The following FGD3 variants were observed in gnomAD, a reference collection of about 807,000 sequenced individuals.
FGD3 encodes FYVE, RhoGEF and PH domain containing 3, also known as FYVE, RhoGEF and PH domain-containing protein 3.
Under a neutral mutation model 71.8 loss-of-function variants are expected in FGD3, and 45 were observed. That is an observed-to-expected ratio of 0.63 (90% confidence interval 0.49 to 0.80). The LOEUF (loss-of-function observed/expected upper bound fraction) is 0.80. Among genes scored for constraint, FGD3 ranks in the 30% least tolerant of loss-of-function variants. FGD3 has a pLI of 0.00. For missense variants in FGD3, 844 were observed against 951.5 expected (o/e 0.89, Z 1.49); for synonymous variants, 378 against 392.8 (o/e 0.96, Z 0.44).
intron 3 of FGD3, among the ~76,000 whole-genome samples, chr9:92,984,601 G>C (rs1041398090): frequency 2.6e-5 from 4 of 152,072 alleles, no homozygotes; most frequent in African/African-American, 9.7e-5. Flanking sequence ...TAAAGTTATT[G>C]GTTAAAGATT....
intron 3 of FGD3, among the ~76,000 whole-genome samples, chr9:92,997,738 A>G (rs928530529): frequency 6.6e-6 from 1 of 152,140 alleles, no homozygotes; most frequent in African/African-American, 2.4e-5. Context: ...TGTGAAGCTT[A>G]GTTTGGCTGG....
chr9:92,994,923 G>T (rs1198326433), intron 3 of FGD3, among the ~76,000 whole-genome samples: 4 of 152,150 alleles, frequency 2.6e-5, no homozygotes, highest in Non-Finnish European at 5.9e-5. Flanking sequence ...CTCCAGCTTT[G>T]TTCTTTTGGC....
At position 93,035,675 on chromosome 9, in the gene FGD3, C is replaced by A; in HGVS notation, c.*86C>A. On this transcript the variant is annotated 3_prime_UTR_variant, in exon 18 of 18. Coordinates refer to ENST00000375482, the MANE Select transcript of FGD3 (RefSeq NM_001083536.2). ...TGTTGGAGGCCCCATGAAGAGCGCC[C>A]TGGACTGCTGAGGGTGGGCCAACAG... 6.7e-7 allele frequency: 1 copy of A among 1,484,000 alleles called. No homozygotes were observed. The highest frequency in any genetic ancestry group is 8.9e-7 in the Non-Finnish European group (1 of 1,119,396). The allele number at this position is 1,484,000 out of a possible 1,614,324, so 91.9% of individuals were successfully genotyped here. A position where few individuals can be genotyped will look rare whatever the true frequency, so the allele number is the denominator to read the frequency against.
At position 93,020,331 on chromosome 9, in the gene FGD3, C is replaced by T. The variant is rs1861866212; in HGVS notation, c.1401C>T (p.Thr467=). The change falls in exon 13 of 18, where the codon ACC becomes ACT. Residue 467 remains threonine (T), a synonymous_variant. Transcript: ENST00000375482. ...GCTGTGTCCAGATCATCCAGGCCAC[C>T]ATCGAGAAGCACAAACAGAACAGCG... ...KKEWIQIIQA[T]IEKHKQNSET... The T allele has an allele frequency of 6.2e-7, 1 of 1,612,226 alleles. No homozygotes were observed. The highest frequency in any genetic ancestry group is 8.5e-7 in the Non-Finnish European group (1 of 1,179,306).
chr9:93,019,215 G>A (rs971043946), intron 11 of FGD3, among the ~76,000 whole-genome samples: 9 of 152,162 alleles, frequency 5.9e-5, no homozygotes, highest in African/African-American at 1.4e-4. Flanking sequence ...GCTGTTTACT[G>A]TATAACCTGT....
rs1409160839 is a variant in FGD3, at chr9:93,035,547, G to A, written c.2136G>A (p.Gly712=). 6.2e-7 allele frequency: 1 copy of A among 1,604,948 alleles called. No individual in the cohort carries two copies. The highest frequency in any genetic ancestry group is 8.5e-7 in the Non-Finnish European group (1 of 1,177,578). ...AHGDTAQDSP[G]ALQLQVPMGA... is the part of the protein sequence containing the mutation. ...GGGACACGGCCCAGGACAGCCCGGG[G>A]GCCCTGCAGCTTCAGGTCCCTATGG... Residue 712 remains glycine, a synonymous_variant, in exon 18 of 18, where the codon GGG becomes GGA. Transcript: ENST00000375482.
At chr9:92,991,836 A>G (rs1030480012) in intron 3 of FGD3, among the ~76,000 whole-genome samples, 1 of 152,226 alleles carries the variant, frequency 6.6e-6, no homozygotes, top group South Asian at 2.1e-4. Flanking sequence ...GTGCTCTAGT[A>G]TTTGGTGCAT....
intron 3 of FGD3, among the ~76,000 whole-genome samples, chr9:92,994,947 G>T (rs2118663442): frequency 6.6e-6 from 1 of 152,262 alleles, no homozygotes; most frequent in African/African-American, 2.4e-5. Context: ...GGATTGTCTT[G>T]GCAATGCGGG....
intron 3 of FGD3, 37 bp downstream of exon 3, chr9:92,976,746 A>G (rs1351322027): frequency 6.6e-7 from 1 of 1,515,898 alleles, no homozygotes; most frequent in East Asian, 2.3e-5. Context: ...TGCGGGCTGC[A>G]GGCCTTTCCT....
chr9:93,033,051 T>A, intron 16 of FGD3, 178 bp downstream of exon 16: 1 of 689,000 alleles, frequency 1.5e-6, no homozygotes, highest in Non-Finnish European at 2.6e-6. Flanking sequence ...AGATCCCGTG[T>A]GTGCACGCTG....
chr9:93,012,391 C>T (rs1861446121), intron 8 of FGD3, among the ~76,000 whole-genome samples: 1 of 152,084 alleles, frequency 6.6e-6, no homozygotes, highest in African/African-American at 2.4e-5. Context: ...CAAGTCCTGC[C>T]CCACAAAGTG....
chr9:93,007,063 AATTTTTT>A (rs1345438080), intron 6 of FGD3, among the ~76,000 whole-genome samples: 2 of 146,270 alleles, frequency 1.4e-5, no homozygotes, highest in African/African-American at 2.5e-5. Context: ...TGCCATACAG[AATTTTTT>A]ATTTTTTATT....
In FGD3 at chr9:93,035,567, C is replaced by T; in HGVS notation, c.2156C>T (p.Pro719Leu). 2 of 1,597,812 alleles carry T rather than the reference C, an allele frequency of 1.3e-6. No homozygotes were observed. The highest frequency in any genetic ancestry group is 1.7e-6 in the Non-Finnish European group (2 of 1,174,824). The change falls in exon 18 of 18, where the codon CCT becomes CTT. Residue 719 changes from proline (P) to leucine (L), a missense_variant. Pro to Leu is a moderately conservative substitution (Grantham distance 98). Coordinates refer to ENST00000375482, the MANE Select transcript of FGD3 (RefSeq NM_001083536.2). ...DSPGALQLQV[P>L]MGAAAP ...CCGGGGGCCCTGCAGCTTCAGGTCC[C>T]TATGGGCGCAGCTGCTCCGTGAGCT...
At chr9:92,994,103 T>C (rs1860533204) in intron 3 of FGD3, among the ~76,000 whole-genome samples, 1 of 152,326 alleles carries the variant, frequency 6.6e-6, no homozygotes, top group African/African-American at 2.4e-5. Flanking sequence ...GCGTTCCTAT[T>C]TCTCCACATC....
intron 3 of FGD3, among the ~76,000 whole-genome samples, chr9:93,001,823 A>G (rs1048515202): frequency 6.6e-6 from 1 of 152,204 alleles, no homozygotes; most frequent in Non-Finnish European, 1.5e-5. Flanking sequence ...TTGGCCTGCC[A>G]CAATAGGGCC....
rs1015084967 is a variant in FGD3 at position 93,003,215 on chromosome 9, G to A, written c.543+201G>A. Reference sequence around the variant, plus strand: ...GCGATCTTGGCTCACTGCAACCTCCGCCTCTCCAGTTCAAGCAATTCTCCT... The same window carrying A: ...GCGATCTTGGCTCACTGCAACCTCCACCTCTCCAGTTCAAGCAATTCTCCT... On this transcript the variant is annotated intron_variant, in intron 4 of 17. Coordinates refer to ENST00000375482, the MANE Select transcript of FGD3 (RefSeq NM_001083536.2). The surrounding 1 kb of genome is among the most constrained non-coding windows in gnomAD (Gnocchi z 4.1). Among the ~76,000 whole-genome samples the A allele has an allele frequency of 6.6e-6, 1 of 151,548 alleles. No homozygotes were observed. Among genetic ancestry groups the A allele is most frequent in the South Asian group, 2.1e-4 (1 of 4,798 alleles).
At chr9:92,958,794 C>T (rs1187314621) in intron 1 of FGD3, among the ~76,000 whole-genome samples, 1 of 152,046 alleles carries the variant, frequency 6.6e-6, no homozygotes, top group Non-Finnish European at 1.5e-5. Flanking sequence ...TCTAAATGTT[C>T]CATTACTATT....
At chr9:92,984,497 C>G (rs563450485) in intron 3 of FGD3, among the ~76,000 whole-genome samples, 1 of 152,276 alleles carries the variant, frequency 6.6e-6, no homozygotes, top group East Asian at 1.9e-4. Context: ...TAGAAGTTAT[C>G]CCCCCTTGAG....
At chr9:93,022,192 A>T in intron 13 of FGD3, 135 bp from the exon 14 acceptor site, 1 of 811,486 alleles carries the variant, frequency 1.2e-6, no homozygotes, top group Non-Finnish European at 1.9e-6. Flanking sequence ...AGCAAATCCT[A>T]GGCCTGGGAA....
Sources: allele counts gnomAD v4.1 joint callset (sites outside exome capture counted in the v4.1 genomes callset), GRCh38; gene constraint gnomAD v4.1.1; non-coding constraint Gnocchi (gnomAD v3.1); transcripts MANE v1.5; gene names NCBI Gene and HGNC (gene_info 2026-07-23, HGNC 2026-07-21).